The following ZFAT variants were observed in gnomAD, a reference collection of about 807,000 sequenced individuals.
ZFAT encodes zinc finger protein ZFAT.
ZFAT carries 64 observed loss-of-function variants against 117.7 expected under a neutral mutation model. The ratio of observed to expected loss-of-function variants is 0.54; its 90% CI spans 0.44 to 0.67. The LOEUF is 0.67. Among genes scored for constraint, ZFAT ranks in the 30% least tolerant of loss-of-function variants. The probability of loss-of-function intolerance (pLI) is 0.00; values close to 1 mark genes in which losing one functional copy is unlikely to be tolerated. For synonymous variants in ZFAT, 679 were observed against 615.0 expected (o/e 1.10, Z -1.54); for missense variants, 1,433 against 1,584.5 (o/e 0.90, Z 1.62).
At chr8:134,739,476 T>TA in the ZFAT span, among the ~76,000 whole-genome samples, 1 of 152,202 alleles carries the variant, frequency 6.6e-6, no homozygotes, top group African/African-American at 2.4e-5. Context: ...GGGCAGGTCA[T>TA]AGCCTCTCTC....
chr8:134,589,470 A>G (rs1826291296), intron 8 of ZFAT, among the ~76,000 whole-genome samples: 1 of 152,274 alleles, frequency 6.6e-6, no homozygotes, highest in Admixed American at 6.5e-5. Context: ...AGGGAGAGGC[A>G]CATTTAGAAG....
rs147846523 is a variant in ZFAT at position 134,563,137 on chromosome 8, C to T, written c.2976+2196G>A. ...GAAATAAAGCTCTTAATTTTAAATA[C>T]GTACACAAATATGCATAACGCTAAA... On this transcript the variant is annotated intron_variant, in intron 11 of 15. Coordinates refer to ENST00000377838, the MANE Select transcript of ZFAT (RefSeq NM_020863.4). 9.8e-4 allele frequency among the ~76,000 whole-genome samples: 150 copies of T among 152,298 alleles called. 1 individual carries two copies. Among genetic ancestry groups the T allele is most frequent in the Middle Eastern group, 3.4e-3 (1 of 294 alleles).
At chr8:134,612,570 G>A (rs556463744) in intron 3 of ZFAT, among the ~76,000 whole-genome samples, 13 of 152,328 alleles carry the variant, frequency 8.5e-5, no homozygotes, top group Middle Eastern at 3.4e-3. Flanking sequence ...AATTTTCTAT[G>A]TTCTATAAAG....
chr8:134,552,883 T>A (rs1823279306), intron 11 of ZFAT, among the ~76,000 whole-genome samples: 1 of 152,262 alleles, frequency 6.6e-6, no homozygotes, highest in Non-Finnish European at 1.5e-5. Context: ...GACTTGCACA[T>A]TCACACACCA....
intron 1 of ZFAT, among the ~76,000 whole-genome samples, chr8:134,666,291 G>C (rs1045970433): frequency 1.3e-5 from 2 of 152,152 alleles, no homozygotes; most frequent in Admixed American, 1.3e-4. Context: ...TAACAAGGCA[G>C]TACCCCCTTG....
chr8:134,796,039 CTA>C, the ZFAT span: 1 of 152,220 alleles, frequency 6.6e-6, no homozygotes, highest in Non-Finnish European at 1.5e-5. Context: ...CATGAACTGA[CTA>C]TTCCCAGAGG....
chr8:134,552,968 G>A (rs1823288318), intron 11 of ZFAT, among the ~76,000 whole-genome samples: 1 of 152,208 alleles, frequency 6.6e-6, no homozygotes, highest in African/African-American at 2.4e-5. Flanking sequence ...TGAGCCAAAG[G>A]GCAAACTTCC....
chr8:134,624,549 C>T (rs760100408), intron 3 of ZFAT, among the ~76,000 whole-genome samples: 6 of 152,058 alleles, frequency 3.9e-5, no homozygotes, highest in Non-Finnish European at 7.4e-5. Context: ...CCCAGCTACT[C>T]GGGAAGCTGA....
chr8:134,524,992 G>A (rs1563807824), intron 12 of ZFAT, among the ~76,000 whole-genome samples: 1 of 152,188 alleles, frequency 6.6e-6, no homozygotes, highest in African/African-American at 2.4e-5. Context: ...CAGAGGCTTG[G>A]GATGGTGAAG....
At chr8:134,644,849 AC>A (rs1830788084) in intron 2 of ZFAT, among the ~76,000 whole-genome samples, 1 of 152,096 alleles carries the variant, frequency 6.6e-6, no homozygotes, top group African/African-American at 2.4e-5. Context: ...ACACTCACAC[AC>A]CATCTATATA....
chr8:134,646,893 T>G (rs1271332048), intron 2 of ZFAT, among the ~76,000 whole-genome samples: 1 of 152,018 alleles, frequency 6.6e-6, no homozygotes, highest in Admixed American at 6.6e-5. Context: ...GTTAGGAGAC[T>G]GAATCAGTAA....
intron 3 of ZFAT, among the ~76,000 whole-genome samples, chr8:134,613,284 G>A (rs779818368): frequency 1.3e-5 from 2 of 152,068 alleles, no homozygotes; most frequent in African/African-American, 2.4e-5. Flanking sequence ...AAAACCAAAC[G>A]ACATTCACCT....
the ZFAT span, chr8:134,792,080 A>G: frequency 7.9e-5 from 12 of 152,324 alleles, no homozygotes; most frequent in African/African-American, 2.9e-4. Flanking sequence ...AGAAAGGAGA[A>G]ATTAGAAGTG....
chr8:134,583,521 T>C (rs542814420), intron 10 of ZFAT, among the ~76,000 whole-genome samples: 48 of 152,268 alleles, frequency 3.2e-4, no homozygotes, highest in Non-Finnish European at 5.6e-4. Flanking sequence ...CTAAAAAGGA[T>C]GGAAACTTCG....
chr8:134,519,574 A>T (rs919444761), intron 13 of ZFAT, among the ~76,000 whole-genome samples: 2 of 152,208 alleles, frequency 1.3e-5, no homozygotes, highest in Non-Finnish European at 2.9e-5. Flanking sequence ...TGTTTGTATT[A>T]GCTTTTCATT....
chr8:134,490,749 C>T (rs1191049365), intron 15 of ZFAT, among the ~76,000 whole-genome samples: 2 of 152,190 alleles, frequency 1.3e-5, no homozygotes, highest in Non-Finnish European at 2.9e-5. Flanking sequence ...TGCCCTTTAC[C>T]CCTCCCTGCA....
At chr8:134,826,004 G>A in the ZFAT span, among the ~76,000 whole-genome samples, 2 of 147,996 alleles carry the variant, frequency 1.4e-5, no homozygotes, top group Middle Eastern at 3.5e-3. Context: ...CTGGGCGACA[G>A]AGCGAGACTC....
At chr8:134,497,099 C>A (rs1477260271) in intron 15 of ZFAT, among the ~76,000 whole-genome samples, 1 of 152,232 alleles carries the variant, frequency 6.6e-6, no homozygotes, top group Non-Finnish European at 1.5e-5. Context: ...CTTCTTGAAA[C>A]ATCCCACCAT....
chr8:134,747,379 T>A, the ZFAT span, among the ~76,000 whole-genome samples: 9 of 152,210 alleles, frequency 5.9e-5, no homozygotes, highest in African/African-American at 2.2e-4. Context: ...CATGAGCCAC[T>A]GCACTCAGCC....
Sources: gnomAD v4.1 joint callset for allele counts (sites outside exome capture counted in the v4.1 genomes callset) on GRCh38, gnomAD v4.1.1 for gene constraint, MANE v1.5 for transcripts, NCBI Gene and HGNC (gene_info 2026-07-23, HGNC 2026-07-21) for gene names.